The following RBFOX1 variants were observed in gnomAD, a reference collection of about 807,000 sequenced individuals.
RBFOX1 encodes the protein RNA binding fox-1 homolog 1, also known as RNA binding protein fox-1 homolog 1.
Under a neutral mutation model 57.7 loss-of-function variants are expected in RBFOX1, and 8 were observed. The ratio of observed to expected loss-of-function variants is 0.14; its 90% CI spans 0.08 to 0.25. The LOEUF is 0.25. RBFOX1 is among the 10% of genes least tolerant of loss of function. The pLI, the probability that RBFOX1 is intolerant of heterozygous loss-of-function variation, is 1.00. For synonymous variants in RBFOX1, 326 were observed against 222.4 expected (o/e 1.47, Z -4.15); for missense variants, 611 against 548.5 (o/e 1.11, Z -1.14).
In RBFOX1 at chr16:5,706,494, C is replaced by G. The variant is rs377064124; in HGVS notation, c.318+107533C>G. ...GTCATGATGCAGAGAGGGTTGAAAACACGTCCTGGGTGGGAGAAAGTTAGT... is the reference window on the plus strand; with the variant it reads ...GTCATGATGCAGAGAGGGTTGAAAAGACGTCCTGGGTGGGAGAAAGTTAGT... On this transcript the variant is annotated intron_variant, in intron 3 of 19. Transcript: ENST00000641259. Among the ~76,000 whole-genome samples the G allele has an allele frequency of 2.0e-5, 3 of 152,312 alleles. No individual in the cohort carries two copies. In the South Asian group the frequency reaches 6.2e-4, roughly 32 times the overall value.
chr16:6,791,480 C>T (rs753567489), intron 3 of RBFOX1, among the ~76,000 whole-genome samples: 29 of 152,258 alleles, frequency 1.9e-4, no homozygotes, highest in Middle Eastern at 3.4e-3. Context: ...AGCATCACGC[C>T]AGTCACATTG....
chr16:6,856,119 T>TCCTTCCCTTCCCTTTA (rs1271296724), intron 3 of RBFOX1, among the ~76,000 whole-genome samples: 2 of 151,750 alleles, frequency 1.3e-5, no homozygotes, highest in Non-Finnish European at 2.9e-5. Flanking sequence ...TTCTTCCCTT[T>TCCTTCCCTTCCCTTTA]CCTTCCCTTC....
chr16:6,873,790 G>C (rs1048334390), intron 3 of RBFOX1: 1 of 152,110 alleles, frequency 6.6e-6, no homozygotes, highest in African/African-American at 2.4e-5. Context: ...GCAACTCTGT[G>C]ATCTTTATTA....
chr16:7,686,093 AAAGCCCCTCT>A (rs1241237484), intron 14 of RBFOX1, among the ~76,000 whole-genome samples: 3 of 151,988 alleles, frequency 2.0e-5, no homozygotes, highest in African/African-American at 7.2e-5. Context: ...TCATGAACAG[AAAGCCCCTCT>A]AAGAGATCCT....
intron 4 of RBFOX1, among the ~76,000 whole-genome samples, chr16:7,240,618 G>A (rs2094007094): frequency 6.6e-6 from 1 of 152,114 alleles, no homozygotes; most frequent in South Asian, 2.1e-4. Flanking sequence ...ACAGTGGTAT[G>A]ATCACAGCTC....
intron 1 of RBFOX1, among the ~76,000 whole-genome samples, chr16:6,101,538 G>C (rs564359700): frequency 2.4e-4 from 37 of 152,158 alleles, no homozygotes; most frequent in African/African-American, 7.0e-4. Context: ...CTAGGCTGGA[G>C]TGCAATGATG....
intron 3 of RBFOX1, among the ~76,000 whole-genome samples, chr16:6,862,915 G>C (rs2059267198): frequency 6.6e-6 from 1 of 151,816 alleles, no homozygotes; most frequent in South Asian, 2.1e-4. Context: ...AACCCAGGAG[G>C]CAGAGGTTGC....
At chr16:5,294,611 A>G (rs1226535915) in intron 1 of RBFOX1, among the ~76,000 whole-genome samples, 4 of 152,128 alleles carry the variant, frequency 2.6e-5, no homozygotes, top group African/African-American at 9.7e-5. Context: ...GACTGTACAT[A>G]TTGAAACAGG....
chr16:6,378,449 G>A (rs2091447365), intron 2 of RBFOX1, among the ~76,000 whole-genome samples: 1 of 152,206 alleles, frequency 6.6e-6, no homozygotes, highest in Non-Finnish European at 1.5e-5. Context: ...GTTGAGCAGG[G>A]TTGCAATTGT....
At chr16:5,840,970 C>T (rs539660608) in intron 3 of RBFOX1, among the ~76,000 whole-genome samples, 2 of 152,282 alleles carry the variant, frequency 1.3e-5, no homozygotes, top group Non-Finnish European at 2.9e-5. Context: ...GGTAGTGAAC[C>T]TCCCAATACT....
chr16:6,312,012 G>A (rs1248512501), intron 1 of RBFOX1, among the ~76,000 whole-genome samples: 1 of 152,168 alleles, frequency 6.6e-6, no homozygotes, highest in East Asian at 1.9e-4. Context: ...GGCTTGGAGA[G>A]CATGTATGCA....
intron 3 of RBFOX1, among the ~76,000 whole-genome samples, chr16:6,940,000 C>G (rs930303151): frequency 2.6e-5 from 4 of 152,104 alleles, no homozygotes; most frequent in Non-Finnish European, 4.4e-5. Flanking sequence ...ATCCATAGCA[C>G]TTTGAAAAGG....
chr16:5,759,835 G>A (rs530493497), intron 3 of RBFOX1, among the ~76,000 whole-genome samples: 90 of 152,112 alleles, frequency 5.9e-4, no homozygotes, highest in Non-Finnish European at 1.1e-3. Context: ...CCTCACCAGT[G>A]CAGGGAAGCC....
At chr16:6,953,602 G>A (rs769455372) in intron 3 of RBFOX1, among the ~76,000 whole-genome samples, 1 of 152,072 alleles carries the variant, frequency 6.6e-6, no homozygotes. Flanking sequence ...GGCCAGCGTG[G>A]TCTGAAACTG....
intron 4 of RBFOX1, among the ~76,000 whole-genome samples, chr16:7,390,988 G>A (rs1402365712): frequency 6.6e-6 from 1 of 152,152 alleles, no homozygotes; most frequent in Admixed American, 6.5e-5. Context: ...TTCCTGGAGG[G>A]TGTGGGGTCT....
Position 5,856,838 on chromosome 16 carries a change from A to C in RBFOX1, c.319-10465A>C, listed in dbSNP as rs186032667. On this transcript the variant is annotated intron_variant, in intron 3 of 19. Transcript: ENST00000641259. Reference sequence around the variant, plus strand: ...TTAAGGGAATGTTGTGGCTTATTTGATCTTCTATCCAGACCACTGAAACTT... The same window carrying C: ...TTAAGGGAATGTTGTGGCTTATTTGCTCTTCTATCCAGACCACTGAAACTT... 4.0e-3 allele frequency among the ~76,000 whole-genome samples: 610 copies of C among 151,594 alleles called. 9 individuals are homozygous for C. The highest frequency in any genetic ancestry group is 0.017 in the Middle Eastern group (5 of 294).
chr16:5,822,141 G>A (rs1434563922), intron 3 of RBFOX1, among the ~76,000 whole-genome samples: 1 of 152,204 alleles, frequency 6.6e-6, no homozygotes, highest in Non-Finnish European at 1.5e-5. Context: ...CAATGATCTG[G>A]ATGAAATTAG....
chr16:7,242,891 G>T (rs1317137495), intron 4 of RBFOX1, among the ~76,000 whole-genome samples: 1 of 152,184 alleles, frequency 6.6e-6, no homozygotes, highest in Non-Finnish European at 1.5e-5. Flanking sequence ...TTTGCAAGCA[G>T]TGCCTCTCGA....
chr16:7,232,881 A>G (rs1362699011), intron 4 of RBFOX1, among the ~76,000 whole-genome samples: 1 of 150,852 alleles, frequency 6.6e-6, no homozygotes, highest in East Asian at 2.0e-4. Flanking sequence ...AGAATGAGGT[A>G]ACAGAAACAA....
Sources: allele counts gnomAD v4.1 joint callset (sites outside exome capture counted in the v4.1 genomes callset), GRCh38; gene constraint gnomAD v4.1.1; transcripts MANE v1.5; gene names NCBI Gene and HGNC (gene_info 2026-07-23, HGNC 2026-07-21).